LHFPL6: variants seen among roughly 807,000 people sequenced by gnomAD.
The protein encoded by LHFPL6 is LHFPL tetraspan subfamily member 6, also known as LHFPL tetraspan subfamily member 6 protein.
A neutral mutation model predicts 20.6 loss-of-function variants in LHFPL6; 9 were observed. The observed-to-expected ratio is 0.44, with a 90% CI of 0.26 to 0.76. The LOEUF (loss-of-function observed/expected upper bound fraction) is 0.76. Ranked by LOEUF, LHFPL6 falls within the 30% of genes least tolerant of loss-of-function variation. LHFPL6 has a pLI of 0.20. For missense variants in LHFPL6, 218 were observed against 253.5 expected (o/e 0.86, Z 0.95); for synonymous variants, 105 against 98.7 (o/e 1.06, Z -0.38).
rs560463040 is a variant in LHFPL6, at chr13:39,425,827, T to C, written c.386-47301A>G. On this transcript the variant is annotated intron_variant, in intron 2 of 3. Coordinates refer to ENST00000379589, the MANE Select transcript of LHFPL6 (RefSeq NM_005780.3). The stretch of plus-strand genomic sequence containing the variant: ...TCATCTGTAACCTGTCTTTTCATTC[T>C]CCTTTTTAAAAAAAATATGAGACAT... Among the ~76,000 whole-genome samples, 5 of 152,278 alleles carry C rather than the reference T, an allele frequency of 3.3e-5. No homozygotes were observed. The South Asian group carries it at 1.0e-3, about 32-fold the overall frequency.
intron 2 of LHFPL6, among the ~76,000 whole-genome samples, chr13:39,438,832 T>A (rs1489841302): frequency 6.6e-6 from 1 of 152,170 alleles, no homozygotes; most frequent in Non-Finnish European, 1.5e-5. Flanking sequence ...AGAGTTGAGG[T>A]TTGGGGGCCT....
chr13:39,434,758 G>A (rs1418783699), intron 2 of LHFPL6, among the ~76,000 whole-genome samples: 1 of 152,120 alleles, frequency 6.6e-6, no homozygotes, highest in Non-Finnish European at 1.5e-5. Context: ...GAATATCCTT[G>A]ATAAAGAAGT....
At chr13:39,481,776 T>G (rs1868536002) in intron 2 of LHFPL6, among the ~76,000 whole-genome samples, 1 of 152,194 alleles carries the variant, frequency 6.6e-6, no homozygotes, top group Non-Finnish European at 1.5e-5. Flanking sequence ...CATTTTATTT[T>G]ACTTAATAAA....
intron 2 of LHFPL6, among the ~76,000 whole-genome samples, chr13:39,409,574 G>A (rs1871203495): frequency 6.6e-6 from 1 of 152,306 alleles, no homozygotes; most frequent in South Asian, 2.1e-4. Flanking sequence ...GGGTTTCAGG[G>A]ACTTATATGT....
At chr13:39,453,975 G>C (rs1311404652) in intron 2 of LHFPL6, among the ~76,000 whole-genome samples, 1 of 151,746 alleles carries the variant, frequency 6.6e-6, no homozygotes, top group Non-Finnish European at 1.5e-5. Context: ...GACTTCCTAA[G>C]ATACACTTCG....
At chr13:39,479,225 C>T (rs1372383633) in intron 2 of LHFPL6, among the ~76,000 whole-genome samples, 2 of 151,988 alleles carry the variant, frequency 1.3e-5, no homozygotes, top group South Asian at 2.1e-4. Context: ...AGGATCCCAC[C>T]TATAATGGTC....
intron 2 of LHFPL6, among the ~76,000 whole-genome samples, chr13:39,540,615 C>A (rs1870766529): frequency 2.0e-5 from 3 of 151,978 alleles, no homozygotes; most frequent in Admixed American, 2.0e-4. Context: ...AGTATTTAAC[C>A]CACTGTGTAA....
At chr13:39,358,375 T>C (rs540326266) in intron 3 of LHFPL6, among the ~76,000 whole-genome samples, 34 of 152,290 alleles carry the variant, frequency 2.2e-4, no homozygotes, top group African/African-American at 7.5e-4. Context: ...ACCTTCCTTA[T>C]AGCATATGCA....
At chr13:39,355,306 A>C (rs1869694853) in intron 3 of LHFPL6, among the ~76,000 whole-genome samples, 1 of 152,084 alleles carries the variant, frequency 6.6e-6, no homozygotes. Context: ...CTTCACAAGC[A>C]AAGGAGAAAT....
intron 2 of LHFPL6, among the ~76,000 whole-genome samples, chr13:39,449,051 G>A (rs1015111151): frequency 6.6e-6 from 1 of 152,196 alleles, no homozygotes; most frequent in African/African-American, 2.4e-5. Flanking sequence ...TTGCTAGTCT[G>A]CAGCTTTAAT....
In LHFPL6 at chr13:39,470,266, C is replaced by A. The variant is rs528300680; in HGVS notation, c.386-91740G>T. 9.9e-5 allele frequency among the ~76,000 whole-genome samples: 15 copies of A among 152,144 alleles called. No homozygotes were observed. In the East Asian group the frequency reaches 2.5e-3, roughly 25 times the overall value. ...GGATATATTCAAAGAAGTGCAAAAA[C>A]CCCCAAATCTAATATGTTTAATTTG... is the stretch of plus-strand genomic sequence containing the variant. On this transcript the variant is annotated intron_variant, in intron 2 of 3. Transcript: ENST00000379589.
At chr13:39,365,624 C>T (rs76509471) in intron 3 of LHFPL6, among the ~76,000 whole-genome samples, 7,279 of 152,260 alleles carry the variant, frequency 0.048, 272 homozygotes, top group South Asian at 0.16. Flanking sequence ...ACAAATCCTC[C>T]TACACATACA....
intron 2 of LHFPL6, among the ~76,000 whole-genome samples, chr13:39,592,402 C>T (rs570473403): frequency 1.3e-5 from 2 of 152,136 alleles, no homozygotes; most frequent in Non-Finnish European, 2.9e-5. Flanking sequence ...AACACATACA[C>T]CCTCCCAAGA....
chr13:39,396,591 T>A (rs945636392), intron 2 of LHFPL6, among the ~76,000 whole-genome samples: 39 of 151,026 alleles, frequency 2.6e-4, no homozygotes, highest in African/African-American at 9.2e-4. Flanking sequence ...AGCCCAGGAG[T>A]TCAAGACCGG....
At chr13:39,530,502 A>G (rs911973621) in intron 2 of LHFPL6, among the ~76,000 whole-genome samples, 1 of 152,094 alleles carries the variant, frequency 6.6e-6, no homozygotes, top group Non-Finnish European at 1.5e-5. Context: ...GGTAAACAAG[A>G]TCAGTGTCAT....
intron 2 of LHFPL6, among the ~76,000 whole-genome samples, chr13:39,530,346 C>A (rs927644367): frequency 1.3e-5 from 2 of 150,546 alleles, no homozygotes; most frequent in African/African-American, 4.9e-5. Context: ...TGAACTGAAA[C>A]AGAGTGCGGA....
chr13:39,359,865 A>T (rs2138344035), intron 3 of LHFPL6, among the ~76,000 whole-genome samples: 1 of 152,270 alleles, frequency 6.6e-6, no homozygotes, highest in Non-Finnish European at 1.5e-5. Flanking sequence ...TCTGTTATTT[A>T]TTATCAGATT....
At chr13:39,465,927 A>C (rs2138432620) in intron 2 of LHFPL6, among the ~76,000 whole-genome samples, 1 of 152,114 alleles carries the variant, frequency 6.6e-6, no homozygotes, top group South Asian at 2.1e-4. Context: ...CAGAAGACTG[A>C]ACTAGAGAGG....
At chr13:39,369,210 A>C (rs537393914) in intron 3 of LHFPL6, among the ~76,000 whole-genome samples, 1 of 152,190 alleles carries the variant, frequency 6.6e-6, no homozygotes, top group Admixed American at 6.5e-5. Flanking sequence ...CAGGTTTTCT[A>C]AGAGATTTCC....
Sources: gnomAD v4.1 joint callset for allele counts (sites outside exome capture counted in the v4.1 genomes callset) on GRCh38, gnomAD v4.1.1 for gene constraint, MANE v1.5 for transcripts, NCBI Gene and HGNC (gene_info 2026-07-23, HGNC 2026-07-21) for gene names.